The following ATP2B2 variants were observed in gnomAD, a reference collection of about 807,000 sequenced individuals.
ATP2B2 encodes the protein ATPase plasma membrane Ca2+ transporting 2, also known as plasma membrane calcium-transporting ATPase 2.
In ATP2B2, 15 loss-of-function variants were observed where a neutral mutation model predicts 120.0. That is an observed-to-expected ratio of 0.12 (90% CI 0.08 to 0.19). The LOEUF (loss-of-function observed/expected upper bound fraction) is 0.19. Ranked by LOEUF, ATP2B2 falls within the 10% of genes least tolerant of loss-of-function variation. ATP2B2 has a pLI of 1.00. For missense variants in ATP2B2, 1,045 were observed against 1,719.8 expected, an observed-to-expected ratio of 0.61 and a Z score of 6.94; for synonymous variants, 694 against 700.3, an observed-to-expected ratio of 0.99 and a Z score of 0.14.
chr3:10,690,225 C>T (rs868723769), intron 1 of ATP2B2, among the ~76,000 whole-genome samples: 8 of 152,226 alleles, frequency 5.3e-5, no homozygotes, highest in African/African-American at 1.9e-4. Flanking sequence ...TGCTGATTCT[C>T]GAAGGAGGCC....
chr3:10,336,119 T>A (rs1375910465), intron 22 of ATP2B2: 3 of 1,549,234 alleles, frequency 1.9e-6, no homozygotes, highest in Non-Finnish European at 2.6e-6. Flanking sequence ...CAGTAAGGAG[T>A]CACACTCACG....
chr3:10,678,071 C>T (rs1326699951), intron 1 of ATP2B2, among the ~76,000 whole-genome samples: 1 of 152,162 alleles, frequency 6.6e-6, no homozygotes, highest in Non-Finnish European at 1.5e-5. Context: ...AAGTGTGGCT[C>T]CAATGTCCAT....
intron 1 of ATP2B2, among the ~76,000 whole-genome samples, chr3:10,704,197 G>C (rs1294227525): frequency 6.6e-6 from 1 of 152,096 alleles, no homozygotes; most frequent in African/African-American, 2.4e-5. Flanking sequence ...CGCCATAACT[G>C]AATAATAATA....
chr3:10,363,499 C>G (rs1371552822), intron 12 of ATP2B2, among the ~76,000 whole-genome samples: 3 of 152,162 alleles, frequency 2.0e-5, no homozygotes, highest in African/African-American at 7.2e-5. Flanking sequence ...CATTTCTTGG[C>G]ATGGTGTTGG....
chr3:10,373,989 C>A (rs1042341962), intron 11 of ATP2B2, among the ~76,000 whole-genome samples: 5 of 152,166 alleles, frequency 3.3e-5, no homozygotes, highest in African/African-American at 1.2e-4. Context: ...CAGGTCCAGG[C>A]TCAGAGAGGG....
chr3:10,331,676 T>C (rs1287483267), intron 22 of ATP2B2, among the ~76,000 whole-genome samples: 1 of 150,514 alleles, frequency 6.6e-6, no homozygotes, highest in African/African-American at 2.4e-5. Context: ...AAAAAGGCTC[T>C]TCCATCTCCC....
intron 2 of ATP2B2, among the ~76,000 whole-genome samples, chr3:10,615,830 A>AAG (rs2069370990): frequency 6.6e-6 from 1 of 152,152 alleles, no homozygotes; most frequent in Admixed American, 6.5e-5. Context: ...TTCTCACTTC[A>AAG]TGAGAGTTTC....
chr3:10,379,333 G>C (rs746346140), intron 8 of ATP2B2, 49 bp from the exon 9 acceptor site: 2 of 1,598,880 alleles, frequency 1.3e-6, no homozygotes, highest in Non-Finnish European at 1.7e-6. Context: ...ACAACACATG[G>C]TCGGTCATCA....
In ATP2B2 at chr3:10,325,959, C is replaced by G. The variant is rs1350880106; in HGVS notation, c.*2855G>C. 1 of 152,096 alleles carries G rather than the reference C, an allele frequency of 6.6e-6. No homozygotes were observed. Among genetic ancestry groups the G allele is most frequent in the Non-Finnish European group, 1.5e-5 (1 of 68,008 alleles). The allele number at this position is 152,096 out of a possible 1,614,324, so 9.4% of individuals were successfully genotyped here. On this transcript the variant is annotated 3_prime_UTR_variant, in exon 23 of 23. Transcript: ENST00000360273. ...ACATTACAGATATATTTACTATGTT[C>G]TGTTTGATGTTGTTTTTTGCTTTTT...
chr3:10,688,976 T>TG (rs2071591631), intron 1 of ATP2B2, among the ~76,000 whole-genome samples: 5 of 152,042 alleles, frequency 3.3e-5, no homozygotes, highest in African/African-American at 1.2e-4. Flanking sequence ...TTACCTGGTG[T>TG]GGGGGTGGGG....
Position 10,326,439 on chromosome 3 carries a change from T to G in ATP2B2, c.*2375A>C, listed in dbSNP as rs2059859347. Reference sequence around the variant, plus strand: ...CTCCGAATGAACATGGAGCATGGTGTGCAAACACAGCTATCCTGATGTCAT... The same window carrying G: ...CTCCGAATGAACATGGAGCATGGTGGGCAAACACAGCTATCCTGATGTCAT... On this transcript the variant is annotated 3_prime_UTR_variant, in exon 23 of 23. Transcript: ENST00000360273. 8.9e-6 allele frequency: 3 copies of G among 335,798 alleles called. No individual in the cohort carries two copies. The highest frequency in any genetic ancestry group is 1.1e-5 in the Non-Finnish European group (2 of 186,550). The allele number at this position is 335,798 out of a possible 1,614,324, so 20.8% of individuals were successfully genotyped here. A position where few individuals can be genotyped will look rare whatever the true frequency, so the allele number is the denominator to read the frequency against.
At chr3:10,605,460 C>T (rs1315335762) in intron 2 of ATP2B2, among the ~76,000 whole-genome samples, 1 of 152,156 alleles carries the variant, frequency 6.6e-6, no homozygotes, top group South Asian at 2.1e-4. Flanking sequence ...TTTTTCCCTG[C>T]CTGACAAGTC....
At chr3:10,357,176 G>A (rs532643624) in intron 14 of ATP2B2, among the ~76,000 whole-genome samples, 4 of 152,272 alleles carry the variant, frequency 2.6e-5, no homozygotes, top group South Asian at 2.1e-4. Context: ...GGGGACCCAC[G>A]TATGTAGGCC....
intron 1 of ATP2B2, among the ~76,000 whole-genome samples, chr3:10,686,292 T>G (rs529228757): frequency 6.6e-6 from 1 of 152,128 alleles, no homozygotes; most frequent in Admixed American, 6.6e-5. Flanking sequence ...GGACAGAGAT[T>G]ATGTCTTGGG....
chr3:10,708,066 G>GCCCGCCTCCCT (rs2071929238), upstream of ATP2B2: 1 of 16,450 alleles, frequency 6.1e-5, no homozygotes, highest in Non-Finnish European at 1.2e-4. Flanking sequence ...GCCGCCGCCC[G>GCCCGCCTCCCT]CCCGCCTCCC....
intron 22 of ATP2B2, among the ~76,000 whole-genome samples, chr3:10,337,540 C>T (rs2060153381): frequency 6.6e-6 from 1 of 152,142 alleles, no homozygotes; most frequent in African/African-American, 2.4e-5. Context: ...GTGTCGTGTG[C>T]CACGTGGCAG....
intron 1 of ATP2B2, among the ~76,000 whole-genome samples, chr3:10,641,704 G>A (rs1316564539): frequency 6.6e-6 from 1 of 152,168 alleles, no homozygotes; most frequent in Non-Finnish European, 1.5e-5. Flanking sequence ...CTGGGAGGGA[G>A]ATGTGCTGTG....
At chr3:10,696,348 A>G (rs1452753253) in intron 1 of ATP2B2, among the ~76,000 whole-genome samples, 1 of 152,202 alleles carries the variant, frequency 6.6e-6, no homozygotes. Flanking sequence ...ACAGTCTTCA[A>G]AGCCCTGCCT....
At chr3:10,634,997 C>T (rs1416364780) in intron 1 of ATP2B2, among the ~76,000 whole-genome samples, 2 of 151,936 alleles carry the variant, frequency 1.3e-5, no homozygotes, top group Non-Finnish European at 1.5e-5. Flanking sequence ...GACACAACAG[C>T]GTATGGGATT....
Sources: gnomAD v4.1 joint callset for allele counts (sites outside exome capture counted in the v4.1 genomes callset) on GRCh38, gnomAD v4.1.1 for gene constraint, MANE v1.5 for transcripts, NCBI Gene and HGNC (gene_info 2026-07-23, HGNC 2026-07-21) for gene names.